The following PTPRN2 variants were observed in gnomAD, a reference collection of about 807,000 sequenced individuals.
PTPRN2 encodes the protein receptor-type tyrosine-protein phosphatase N2.
Under a neutral mutation model 118.8 loss-of-function variants are expected in PTPRN2, and 74 were observed. That is an observed-to-expected ratio of 0.62 (90% confidence interval 0.52 to 0.76). PTPRN2 has a LOEUF of 0.76. Among genes scored for constraint, PTPRN2 ranks in the 30% least tolerant of loss-of-function variants. PTPRN2 has a pLI of 0.00. For synonymous variants in PTPRN2, 641 were observed against 608.0 expected (o/e 1.05, Z -0.80); for missense variants, 1,481 against 1,394.4 (o/e 1.06, Z -0.99).
intron 12 of PTPRN2, among the ~76,000 whole-genome samples, chr7:157,721,903 G>C (rs1388963185): frequency 1.3e-5 from 2 of 152,206 alleles, no homozygotes; most frequent in African/African-American, 4.8e-5. Flanking sequence ...TAGAGTAGAG[G>C]CTCAGGGGTT....
chr7:157,579,921 A>G (rs894738395), intron 17 of PTPRN2, among the ~76,000 whole-genome samples: 2 of 152,240 alleles, frequency 1.3e-5, no homozygotes, highest in African/African-American at 4.8e-5. Flanking sequence ...AAGCAACTCA[A>G]TCGAGGAGGA....
chr7:158,044,268 T>C, intron 11 of PTPRN2, among the ~76,000 whole-genome samples: 1 of 152,046 alleles, frequency 6.6e-6, no homozygotes. Context: ...TCTGGGGAGC[T>C]CACCTCTGGA....
chr7:157,754,235 G>A (rs1801652910), intron 12 of PTPRN2, among the ~76,000 whole-genome samples: 1 of 152,246 alleles, frequency 6.6e-6, no homozygotes, highest in African/African-American at 2.4e-5. Flanking sequence ...GGCTGAGTCC[G>A]TGTGGGGAAT....
At chr7:158,040,736 CTTT>C (rs58192875) in intron 11 of PTPRN2, among the ~76,000 whole-genome samples, 3 of 142,196 alleles carry the variant, frequency 2.1e-5, no homozygotes, top group African/African-American at 5.2e-5. Flanking sequence ...TTTTTTCTTT[CTTT>C]TTTTTTTTTT....
At chr7:157,548,436 T>C (rs867151214) in intron 22 of PTPRN2, among the ~76,000 whole-genome samples, 33 of 152,176 alleles carry the variant, frequency 2.2e-4, no homozygotes, top group African/African-American at 7.7e-4. Flanking sequence ...GTCCAGTTCT[T>C]GTTGAGCCAA....
chr7:157,960,339 T>G (rs948329570), intron 11 of PTPRN2, among the ~76,000 whole-genome samples: 1 of 152,248 alleles, frequency 6.6e-6, no homozygotes, highest in Non-Finnish European at 1.5e-5. Context: ...TTTTACTTTA[T>G]GTATATTTTA....
chr7:158,337,235 A>C (rs1805786492), intron 2 of PTPRN2, among the ~76,000 whole-genome samples: 1 of 151,594 alleles, frequency 6.6e-6, no homozygotes, highest in African/African-American at 2.4e-5. Context: ...TAACACCCAC[A>C]TTCTCACCAT....
intron 12 of PTPRN2, among the ~76,000 whole-genome samples, chr7:157,691,950 C>A (rs1797523616): frequency 6.6e-6 from 1 of 152,136 alleles, no homozygotes; most frequent in African/African-American, 2.4e-5. Context: ...TGCGCGGCGC[C>A]CCCGCGGAGC....
intron 2 of PTPRN2, among the ~76,000 whole-genome samples, chr7:158,403,460 G>GC (rs1290494243): frequency 1.3e-5 from 2 of 152,186 alleles, no homozygotes; most frequent in African/African-American, 4.8e-5. Context: ...CCCTCGTTCT[G>GC]CAACAGCTCC....
intron 12 of PTPRN2, among the ~76,000 whole-genome samples, chr7:157,746,675 T>C (rs1341378613): frequency 6.6e-6 from 1 of 152,150 alleles, no homozygotes; most frequent in African/African-American, 2.4e-5. Flanking sequence ...CACGGGGCCC[T>C]GAGTATGGAG....
Position 158,550,816 on chromosome 7 carries a change from C to T in PTPRN2, c.112+36742G>A, listed in dbSNP as rs148595227. ...TAAGTGCCCTTTTCAGTTTTTAAATCCTGCTGCTGAAATCCAACACTGGGG... is the reference window on the plus strand; with the variant it reads ...TAAGTGCCCTTTTCAGTTTTTAAATTCTGCTGCTGAAATCCAACACTGGGG... On this transcript the variant is annotated intron_variant, in intron 1 of 22. Transcript: ENST00000389418. 4.8e-3 allele frequency among the ~76,000 whole-genome samples: 737 copies of T among 152,352 alleles called. 5 individuals are homozygous for T. Among genetic ancestry groups the T allele is most frequent in the South Asian group, 0.014 (66 of 4,830 alleles).
At chr7:158,461,495 CA>C (rs71200029) in intron 2 of PTPRN2, among the ~76,000 whole-genome samples, 14,291 of 133,718 alleles carry the variant, frequency 0.11, 694 homozygotes, top group Middle Eastern at 0.14. Context: ...GACTCCGTCT[CA>C]AAAAAAAAAA....
intron 11 of PTPRN2, among the ~76,000 whole-genome samples, chr7:157,926,086 C>T (rs1268460452): frequency 1.3e-4 from 20 of 152,408 alleles, no homozygotes; most frequent in African/African-American, 4.6e-4. Context: ...TTTATCCATG[C>T]ATTACCTCCC....
At chr7:158,423,229 A>C (rs754712065) in intron 2 of PTPRN2, among the ~76,000 whole-genome samples, 14 of 152,362 alleles carry the variant, frequency 9.2e-5, no homozygotes, top group Non-Finnish European at 1.6e-4. Flanking sequence ...ACCACGGGGG[A>C]GAAACCGGGA....
chr7:158,072,039 T>TCGTGGTGGTGGAGGTTCC lies in PTPRN2; in HGVS notation c.1723+9241_1723+9258dup, dbSNP rs1185955146. On this transcript the variant is annotated intron_variant, in intron 11 of 22. Transcript: ENST00000389418. ...ATGGAGGTGCTCATGGTGGAGGTGC[T>TCGTGGTGGTGGAGGTTCC]CGTGGTGGTGGAGGTTCCCGTGGTG... Among the ~76,000 whole-genome samples, 86 of 138,322 alleles carry TCGTGGTGGTGGAGGTTCC rather than the reference T, an allele frequency of 6.2e-4. 1 individual carries two copies. The highest frequency in any genetic ancestry group is 1.8e-3 in the African/African-American group (66 of 36,884). 90.7% of individuals were successfully genotyped at this position (138,322 alleles called of 152,430 possible).
chr7:158,516,667 G>A (rs932716967), intron 1 of PTPRN2, among the ~76,000 whole-genome samples: 15 of 151,300 alleles, frequency 9.9e-5, no homozygotes, highest in Non-Finnish European at 5.9e-5. Flanking sequence ...TCTTGGTGCT[G>A]TTCTTGGTGC....
chr7:158,163,011 G>A (rs1045321488), intron 6 of PTPRN2, among the ~76,000 whole-genome samples: 2 of 152,160 alleles, frequency 1.3e-5, no homozygotes, highest in African/African-American at 4.8e-5. Flanking sequence ...GGGTGCAGTT[G>A]CTCTTTGTGT....
At chr7:158,220,475 G>GA (rs1387301550) in intron 3 of PTPRN2, among the ~76,000 whole-genome samples, 8 of 151,884 alleles carry the variant, frequency 5.3e-5, no homozygotes, top group African/African-American at 1.2e-4. Context: ...AAAGTTTCAG[G>GA]AAAAAAATAT....
intron 12 of PTPRN2, among the ~76,000 whole-genome samples, chr7:157,828,217 T>A (rs1807315656): frequency 6.6e-6 from 1 of 152,198 alleles, no homozygotes; most frequent in Non-Finnish European, 1.5e-5. Context: ...CTTCCACGCG[T>A]GTGGTCACCA....
Sources: gnomAD v4.1 joint callset for allele counts (sites outside exome capture counted in the v4.1 genomes callset) on GRCh38, gnomAD v4.1.1 for gene constraint, MANE v1.5 for transcripts, NCBI Gene and HGNC (gene_info 2026-07-23, HGNC 2026-07-21) for gene names.